GNG12: variants seen among roughly 807,000 people sequenced by gnomAD.
GNG12 encodes guanine nucleotide-binding protein G(I)/G(S)/G(O) subunit gamma-12.
For missense variants in GNG12, 69 were observed against 83.8 expected (o/e 0.82, Z 0.69); for synonymous variants, 28 against 29.7 (o/e 0.94, Z 0.19).
chr1:67,798,155 G>A (rs1269854227), intron 1 of GNG12, among the ~76,000 whole-genome samples: 1 of 152,156 alleles, frequency 6.6e-6, no homozygotes, highest in African/African-American at 2.4e-5. Flanking sequence ...TTTGTGGCCT[G>A]TTAGGAACTG....
chr1:67,741,594 G>A (rs1439100627), intron 2 of GNG12, among the ~76,000 whole-genome samples: 1 of 152,138 alleles, frequency 6.6e-6, no homozygotes, highest in African/African-American at 2.4e-5. Flanking sequence ...GATCATCAAA[G>A]GTCTTTAATT....
intron 1 of GNG12, among the ~76,000 whole-genome samples, chr1:67,814,496 C>T (rs1288440367): frequency 6.6e-6 from 1 of 152,186 alleles, no homozygotes; most frequent in Non-Finnish European, 1.5e-5. Context: ...TGGGAACTGA[C>T]AATTCCAGTC....
At chr1:67,795,917 T>C (rs1646828595) in intron 1 of GNG12, among the ~76,000 whole-genome samples, 1 of 152,190 alleles carries the variant, frequency 6.6e-6, no homozygotes, top group Non-Finnish European at 1.5e-5. Context: ...GGAAACTAAA[T>C]GGTATGAGAA....
At chr1:67,739,002 A>T (rs1646468007) in intron 2 of GNG12, among the ~76,000 whole-genome samples, 1 of 152,132 alleles carries the variant, frequency 6.6e-6, no homozygotes, top group Non-Finnish European at 1.5e-5. Flanking sequence ...AATATGGTAA[A>T]ACTCCATCAT....
intron 2 of GNG12, among the ~76,000 whole-genome samples, chr1:67,710,170 A>ATATATATAGT (rs1646285281): frequency 1.2e-4 from 4 of 34,680 alleles, no homozygotes; most frequent in African/African-American, 4.4e-4. Context: ...ATATAGTTAT[A>ATATATATAGT]TATATATAGT....
At chr1:67,778,990 G>A (rs981620033) in intron 1 of GNG12, among the ~76,000 whole-genome samples, 1 of 152,148 alleles carries the variant, frequency 6.6e-6, no homozygotes, top group Non-Finnish European at 1.5e-5. Flanking sequence ...GCTGCACCGG[G>A]TCTGGAGGTT....
chr1:67,712,594 G>A (rs979576614), intron 2 of GNG12, among the ~76,000 whole-genome samples: 6 of 152,130 alleles, frequency 3.9e-5, no homozygotes, highest in Non-Finnish European at 7.3e-5. Context: ...TCAGGAGGCT[G>A]AAGTGGGAGA....
At chr1:67,805,560 G>C (rs1014331946) in intron 1 of GNG12, among the ~76,000 whole-genome samples, 2 of 152,000 alleles carry the variant, frequency 1.3e-5, no homozygotes, top group Non-Finnish European at 2.9e-5. Flanking sequence ...ACAGGGCTGA[G>C]GAAAGAATCT....
At chr1:67,726,046 G>A (rs1031225344) in intron 2 of GNG12, among the ~76,000 whole-genome samples, 9 of 152,214 alleles carry the variant, frequency 5.9e-5, no homozygotes, top group Non-Finnish European at 1.2e-4. Flanking sequence ...GCATGAAGTG[G>A]AATGGAGTAG....
chr1:67,758,920 G>T (rs1646585924), intron 2 of GNG12, among the ~76,000 whole-genome samples: 1 of 152,106 alleles, frequency 6.6e-6, no homozygotes, highest in Non-Finnish European at 1.5e-5. Context: ...TGGTTAAGGG[G>T]TCCCAAAATA....
Position 67,705,204 on chromosome 1 carries a change from C to T in GNG12, c.*247G>A. ...AAGGCCCAGATCAACTTTCCTTAAA[C>T]AGTAACCCAACATAAAGCCATAGTT... On this transcript the variant is annotated 3_prime_UTR_variant, in exon 4 of 4. Coordinates refer to ENST00000370982, the MANE Select transcript of GNG12 (RefSeq NM_018841.6). 2 of 349,102 alleles carry T rather than the reference C, an allele frequency of 5.7e-6. No homozygotes were observed. Among genetic ancestry groups the T allele is most frequent in the Non-Finnish European group, 9.5e-6 (2 of 210,618 alleles). 21.6% of individuals were successfully genotyped at this position (349,102 alleles called of 1,614,324 possible). A position where few individuals can be genotyped will look rare whatever the true frequency, so the allele number is the denominator to read the frequency against.
At chr1:67,816,046 T>G (rs866060829) in intron 1 of GNG12, among the ~76,000 whole-genome samples, 5 of 152,306 alleles carry the variant, frequency 3.3e-5, no homozygotes, top group Middle Eastern at 6.8e-3. Context: ...GATCCTAACA[T>G]GCACATAAGT....
chr1:67,724,797 A>C (rs1183171228), intron 2 of GNG12, among the ~76,000 whole-genome samples: 1 of 152,238 alleles, frequency 6.6e-6, no homozygotes, highest in Admixed American at 6.5e-5. Context: ...ACTGGCTATG[A>C]GTTAGTTGTT....
chr1:67,730,759 C>T (rs1646414248), intron 2 of GNG12, among the ~76,000 whole-genome samples: 1 of 152,132 alleles, frequency 6.6e-6, no homozygotes, highest in Non-Finnish European at 1.5e-5. Flanking sequence ...AAGCTTAAAA[C>T]AAACAATTCA....
chr1:67,756,289 G>A (rs1047840503), intron 2 of GNG12, among the ~76,000 whole-genome samples: 1 of 152,198 alleles, frequency 6.6e-6, no homozygotes, highest in Admixed American at 6.5e-5. Context: ...ATAAAAAGAA[G>A]AGTAGCATGA....
intron 1 of GNG12, among the ~76,000 whole-genome samples, chr1:67,780,813 TTTTA>T: frequency 6.6e-6 from 1 of 152,268 alleles, no homozygotes; most frequent in South Asian, 2.1e-4. Flanking sequence ...AGTTCATCAG[TTTTA>T]TTTGACTTTG....
chr1:67,767,545 C>T (rs930558031), intron 2 of GNG12, among the ~76,000 whole-genome samples: 4 of 152,188 alleles, frequency 2.6e-5, no homozygotes, highest in African/African-American at 9.6e-5. Context: ...GGTTATGCAA[C>T]CCTCCTTCCA....
intron 2 of GNG12, among the ~76,000 whole-genome samples, chr1:67,743,766 G>A (rs746603183): frequency 6.6e-6 from 1 of 152,134 alleles, no homozygotes; most frequent in African/African-American, 2.4e-5. Context: ...TCAATAAACT[G>A]AATTCTTTGT....
chr1:67,825,976 A>C (rs1405260872), intron 1 of GNG12, among the ~76,000 whole-genome samples: 1 of 152,224 alleles, frequency 6.6e-6, no homozygotes, highest in Non-Finnish European at 1.5e-5. Context: ...TGTACCACTG[A>C]ATGTTTGTTT....
Sources: gnomAD v4.1 joint callset for allele counts (sites outside exome capture counted in the v4.1 genomes callset) on GRCh38, gnomAD v4.1.1 for gene constraint, MANE v1.5 for transcripts, NCBI Gene and HGNC (gene_info 2026-07-23, HGNC 2026-07-21) for gene names.